Variants in PPP3CC observed in about 807,000 individuals in gnomAD.
PPP3CC encodes the protein protein phosphatase 3 catalytic subunit gamma.
In PPP3CC, 35 loss-of-function variants were observed where a neutral mutation model predicts 60.3. The observed-to-expected ratio is 0.58, with a 90% CI of 0.44 to 0.77. The LOEUF (loss-of-function observed/expected upper bound fraction) is 0.77, where lower values mean the gene tolerates loss of function less well. Among genes scored for constraint, PPP3CC ranks in the 30% least tolerant of loss-of-function variants. PPP3CC has a pLI of 0.00. For synonymous variants in PPP3CC, 206 were observed against 224.3 expected (o/e 0.92, Z 0.73); for missense variants, 570 against 628.9 (o/e 0.91, Z 1.00).
chr8:22,506,694 C>A (rs1011724197), intron 4 of PPP3CC, among the ~76,000 whole-genome samples: 4 of 152,058 alleles, frequency 2.6e-5, no homozygotes, highest in Non-Finnish European at 5.9e-5. Flanking sequence ...GTAATCCCAG[C>A]ACTTTGGGAG....
chr8:22,481,608 T>C (rs1372422887), intron 3 of PPP3CC, among the ~76,000 whole-genome samples: 1 of 151,768 alleles, frequency 6.6e-6, no homozygotes, highest in African/African-American at 2.4e-5. Flanking sequence ...GTTTGTTACA[T>C]AGGTATACAT....
chr8:22,511,343 AC>A, intron 5 of PPP3CC, 112 bp downstream of exon 5: 1 of 1,189,182 alleles, frequency 8.4e-7, no homozygotes, highest in Admixed American at 2.3e-5. Context: ...GGGCTGAAGT[AC>A]AGTGGTGCTA....
chr8:22,457,810 G>A (rs563364569), intron 1 of PPP3CC, among the ~76,000 whole-genome samples: 2 of 152,290 alleles, frequency 1.3e-5, no homozygotes, highest in South Asian at 4.1e-4. Flanking sequence ...TGTATATTTC[G>A]GCCGGGCGCA....
intron 4 of PPP3CC, among the ~76,000 whole-genome samples, chr8:22,505,879 A>C (rs903639428): frequency 2.6e-5 from 4 of 151,852 alleles, no homozygotes; most frequent in Non-Finnish European, 5.9e-5. Context: ...TTTTCCTTCT[A>C]GTACAGGGAG....
intron 8 of PPP3CC, among the ~76,000 whole-genome samples, chr8:22,525,324 C>T (rs1839510081): frequency 6.6e-6 from 1 of 152,078 alleles, no homozygotes; most frequent in Admixed American, 6.6e-5. Context: ...CCTGGGGGTA[C>T]TCAGTTACTC....
At chr8:22,450,830 TA>T (rs1174480623) in intron 1 of PPP3CC, among the ~76,000 whole-genome samples, 2 of 147,968 alleles carry the variant, frequency 1.4e-5, no homozygotes, top group African/African-American at 4.9e-5. Context: ...TTTATTTATT[TA>T]TTTATTTATT....
intron 3 of PPP3CC, among the ~76,000 whole-genome samples, chr8:22,480,074 T>C (rs542559935): frequency 1.3e-5 from 2 of 152,296 alleles, no homozygotes; most frequent in South Asian, 4.1e-4. Context: ...AGAGTACTTG[T>C]TGAAGTCTTT....
At chr8:22,489,880 G>C (rs1838347991) in intron 3 of PPP3CC, among the ~76,000 whole-genome samples, 1 of 150,384 alleles carries the variant, frequency 6.6e-6, no homozygotes, top group Non-Finnish European at 1.5e-5. Flanking sequence ...GGAGTGCAGT[G>C]GCACGATCTC....
intron 1 of PPP3CC, among the ~76,000 whole-genome samples, chr8:22,449,701 C>CTTAA (rs1836947435): frequency 6.6e-6 from 1 of 151,586 alleles, no homozygotes; most frequent in Non-Finnish European, 1.5e-5. Flanking sequence ...AGAAAAGGTA[C>CTTAA]TTAACTAAGA....
intron 12 of PPP3CC, among the ~76,000 whole-genome samples, chr8:22,534,196 C>CAAAAAA (rs35668611): frequency 8.7e-6 from 1 of 114,958 alleles, no homozygotes. Flanking sequence ...AAGACTGTTT[C>CAAAAAA]AAAAAAAAAA....
intron 1 of PPP3CC, among the ~76,000 whole-genome samples, chr8:22,474,458 C>T (rs566895488): frequency 1.3e-5 from 2 of 151,970 alleles, no homozygotes; most frequent in African/African-American, 2.4e-5. Flanking sequence ...AATCCCAGCA[C>T]TTTGGGAGGC....
chr8:22,449,589 T>C (rs748280509), intron 1 of PPP3CC, among the ~76,000 whole-genome samples: 2 of 151,934 alleles, frequency 1.3e-5, no homozygotes, highest in Admixed American at 1.3e-4. Context: ...TTAAAGAATA[T>C]TATAGCTGAT....
intron 1 of PPP3CC, among the ~76,000 whole-genome samples, chr8:22,454,200 G>A (rs558876447): frequency 1.3e-5 from 2 of 152,072 alleles, no homozygotes; most frequent in East Asian, 1.9e-4. Flanking sequence ...AAGCTTTTAC[G>A]ATTTCAAACA....
intron 4 of PPP3CC, 146 bp from the exon 5 acceptor site, chr8:22,510,940 C>T: frequency 2.2e-6 from 2 of 895,054 alleles, no homozygotes; most frequent in Non-Finnish European, 3.3e-6. Context: ...CACAACTTTT[C>T]AAAAGTATCT....
intron 3 of PPP3CC, among the ~76,000 whole-genome samples, chr8:22,496,909 A>G (rs150252198): frequency 1.3e-5 from 2 of 152,100 alleles, no homozygotes; most frequent in Non-Finnish European, 2.9e-5. Flanking sequence ...TTTTCCTTGT[A>G]TGGATTTTGC....
chr8:22,444,831 A>G (rs1478907285), intron 1 of PPP3CC, among the ~76,000 whole-genome samples: 11 of 152,214 alleles, frequency 7.2e-5, no homozygotes, highest in Non-Finnish European at 1.5e-5. Context: ...AAATGATTAA[A>G]TTGTGATATT....
At chr8:22,452,802 T>C (rs1043524304) in intron 1 of PPP3CC, among the ~76,000 whole-genome samples, 1 of 142,750 alleles carries the variant, frequency 7.0e-6, no homozygotes, top group African/African-American at 2.5e-5. Context: ...TAGGTGCTGC[T>C]GCCGCCATCG....
At chr8:22,539,396 C>T in intron 12 of PPP3CC, 73 bp from the exon 13 acceptor site, 2 of 1,539,948 alleles carry the variant, frequency 1.3e-6, no homozygotes, top group Non-Finnish European at 1.8e-6. Flanking sequence ...GCTGTGCTGC[C>T]ATCAGTGCTG....
Position 22,445,349 on chromosome 8 carries a change from A to G in PPP3CC, c.49+3891A>G, listed in dbSNP as rs73672735. 5.5e-3 allele frequency among the ~76,000 whole-genome samples: 836 copies of G among 152,274 alleles called. 9 individuals carry two copies. The highest frequency in any genetic ancestry group is 0.019 in the African/African-American group (805 of 41,550). On this transcript the variant is annotated intron_variant, in intron 1 of 13. Transcript: ENST00000240139. Reference sequence around the variant, plus strand: ...CCCCGACTCTCCCTTTTTTATATCCATAATGGATTTACCGAGGGTTTAAAA... The same window carrying G: ...CCCCGACTCTCCCTTTTTTATATCCGTAATGGATTTACCGAGGGTTTAAAA...
Sources: allele counts gnomAD v4.1 joint callset (sites outside exome capture counted in the v4.1 genomes callset), GRCh38; gene constraint gnomAD v4.1.1; transcripts MANE v1.5; gene names NCBI Gene and HGNC (gene_info 2026-07-23, HGNC 2026-07-21).